Variants in DLG2 observed in about 807,000 individuals in gnomAD.
The protein encoded by DLG2 is discs large MAGUK scaffold protein 2.
Under a neutral mutation model 132.5 loss-of-function variants are expected in DLG2, and 45 were observed. That is an observed-to-expected ratio of 0.34 (90% CI 0.27 to 0.44). The LOEUF is 0.44. Among genes scored for constraint, DLG2 ranks in the 20% least tolerant of loss-of-function variants. The pLI, the probability that DLG2 is intolerant of heterozygous loss-of-function variation, is 1.00. For missense variants in DLG2, 1,045 were observed against 1,196.9 expected (o/e 0.87, Z 1.87); for synonymous variants, 424 against 419.6 (o/e 1.01, Z -0.13).
At chr11:84,523,269 G>A (rs2099309997) in intron 7 of DLG2, among the ~76,000 whole-genome samples, 1 of 152,116 alleles carries the variant, frequency 6.6e-6, no homozygotes, top group East Asian at 1.9e-4. Context: ...ATTATCTCAA[G>A]TAATCTTTAC....
chr11:85,165,345 A>G (rs1300616514), intron 4 of DLG2, among the ~76,000 whole-genome samples: 1 of 152,214 alleles, frequency 6.6e-6, no homozygotes, highest in Non-Finnish European at 1.5e-5. Flanking sequence ...ACTAGGCCCC[A>G]AAAGACCAGA....
At chr11:83,511,267 C>G (rs1287900378) in intron 21 of DLG2, among the ~76,000 whole-genome samples, 2 of 152,176 alleles carry the variant, frequency 1.3e-5, no homozygotes, top group Non-Finnish European at 2.9e-5. Flanking sequence ...AATGCTTCTT[C>G]TGCCTGGGGA....
chr11:84,420,649 T>C (rs1247723737), intron 7 of DLG2, among the ~76,000 whole-genome samples: 1 of 126,052 alleles, frequency 7.9e-6, no homozygotes, highest in Non-Finnish European at 1.7e-5. Flanking sequence ...ATGCTTGTTT[T>C]CTTTTTTTTT....
intron 19 of DLG2, among the ~76,000 whole-genome samples, chr11:83,617,405 A>G (rs2060987168): frequency 6.6e-6 from 1 of 152,270 alleles, no homozygotes; most frequent in African/African-American, 2.4e-5. Flanking sequence ...CCTACTGTCA[A>G]TGATATGTTT....
chr11:84,812,171 T>C (rs2076630380), intron 6 of DLG2, among the ~76,000 whole-genome samples: 1 of 152,160 alleles, frequency 6.6e-6, no homozygotes, highest in Non-Finnish European at 1.5e-5. Flanking sequence ...TTAAATTAAG[T>C]TGAATTAAAT....
At chr11:85,575,226 C>G (rs1050298463) in intron 3 of DLG2, among the ~76,000 whole-genome samples, 6 of 151,640 alleles carry the variant, frequency 4.0e-5, no homozygotes, top group Non-Finnish European at 8.8e-5. Flanking sequence ...GCATTTCCTA[C>G]TACTGTTTCT....
intron 14 of DLG2, among the ~76,000 whole-genome samples, chr11:83,942,571 T>C (rs949777871): frequency 2.0e-5 from 3 of 152,200 alleles, no homozygotes; most frequent in Non-Finnish European, 4.4e-5. Context: ...AACTGAGCAA[T>C]AGTTATAAAT....
chr11:84,340,084 C>T (rs986713195), intron 7 of DLG2, among the ~76,000 whole-genome samples: 25 of 152,028 alleles, frequency 1.6e-4, no homozygotes, highest in African/African-American at 5.6e-4. Context: ...ACAGAGAAAA[C>T]GTAGAGAAAA....
intron 8 of DLG2, among the ~76,000 whole-genome samples, chr11:84,224,980 C>T (rs1256466593): frequency 6.6e-6 from 1 of 152,206 alleles, no homozygotes; most frequent in Non-Finnish European, 1.5e-5. Context: ...TTTGCCTTTC[C>T]TGAACTCCTA....
intron 9 of DLG2, among the ~76,000 whole-genome samples, chr11:84,108,319 C>G (rs2093110626): frequency 6.6e-6 from 1 of 152,028 alleles, no homozygotes; most frequent in African/African-American, 2.4e-5. Context: ...AGGTGATGAT[C>G]AAGTCAGGGT....
intron 6 of DLG2, among the ~76,000 whole-genome samples, chr11:84,874,841 T>G (rs2086075630): frequency 6.6e-6 from 1 of 151,850 alleles, no homozygotes; most frequent in African/African-American, 2.4e-5. Flanking sequence ...GCCAATATGG[T>G]GAAACCCCGT....
chr11:83,790,151 T>G (rs910626640), intron 17 of DLG2: 180 of 856,978 alleles, frequency 2.1e-4, no homozygotes, highest in Non-Finnish European at 3.1e-4. Flanking sequence ...TCCAGGCAGC[T>G]GAGACCTTGA....
At chr11:85,590,643 C>G (rs1361969337) in intron 3 of DLG2, among the ~76,000 whole-genome samples, 2 of 151,358 alleles carry the variant, frequency 1.3e-5, no homozygotes, top group African/African-American at 4.8e-5. Flanking sequence ...TTCTCTCTCT[C>G]TCTCTCTCTA....
At chr11:83,893,164 TCTCTTAGTAGA>T in intron 15 of DLG2, among the ~76,000 whole-genome samples, 1 of 152,156 alleles carries the variant, frequency 6.6e-6, no homozygotes, top group South Asian at 2.1e-4. Flanking sequence ...AACAATACGC[TCTCTTAGTAGA>T]CTGTTAAAAC....
intron 21 of DLG2, among the ~76,000 whole-genome samples, chr11:83,516,813 G>C (rs1031556373): frequency 6.6e-6 from 1 of 152,140 alleles, no homozygotes; most frequent in Admixed American, 6.5e-5. Context: ...TGAAATTCTG[G>C]GTTGAAAATT....
chr11:83,843,198 C>A (rs2057982141), intron 16 of DLG2, among the ~76,000 whole-genome samples: 1 of 152,190 alleles, frequency 6.6e-6, no homozygotes, highest in Non-Finnish European at 1.5e-5. Flanking sequence ...TACAAAGTTG[C>A]CAACCACAGC....
chr11:85,006,199 G>C (rs1420450319), intron 6 of DLG2, among the ~76,000 whole-genome samples: 4 of 152,074 alleles, frequency 2.6e-5, no homozygotes, highest in African/African-American at 9.7e-5. Flanking sequence ...TTTTGTTGTT[G>C]TGTCTCTGCC....
chr11:85,579,763 T>C (rs757689121), intron 3 of DLG2, among the ~76,000 whole-genome samples: 37 of 152,110 alleles, frequency 2.4e-4, no homozygotes, highest in Non-Finnish European at 5.0e-4. Context: ...CTCAGCTCAC[T>C]GTAACCTCTG....
chr11:85,390,482 G>A (rs1016948106), intron 3 of DLG2, among the ~76,000 whole-genome samples: 4 of 151,968 alleles, frequency 2.6e-5, no homozygotes, highest in African/African-American at 9.7e-5. Context: ...TGGACTTAAA[G>A]TATACCCTGG....
Sources: allele counts gnomAD v4.1 joint callset (sites outside exome capture counted in the v4.1 genomes callset), GRCh38; gene constraint gnomAD v4.1.1; transcripts MANE v1.5; gene names NCBI Gene and HGNC (gene_info 2026-07-23, HGNC 2026-07-21).